The following NELL2 variants were observed in gnomAD, a reference collection of about 807,000 sequenced individuals.
NELL2 encodes the protein neural EGFL like 2, also known as protein kinase C-binding protein NELL2.
A neutral mutation model predicts 109.6 loss-of-function variants in NELL2; 41 were observed. That is an observed-to-expected ratio of 0.37 (90% CI 0.29 to 0.49). The LOEUF (loss-of-function observed/expected upper bound fraction) is 0.49, where lower values mean the gene tolerates loss of function less well. NELL2 is among the 20% of genes least tolerant of loss of function. NELL2 has a pLI of 0.98. For synonymous variants in NELL2, 355 were observed against 344.7 expected (o/e 1.03, Z -0.33); for missense variants, 900 against 1,008.3 (o/e 0.89, Z 1.45).
intron 1 of NELL2, among the ~76,000 whole-genome samples, chr12:44,900,661 G>C (rs1339863589): frequency 2.0e-5 from 3 of 152,084 alleles, no homozygotes; most frequent in Admixed American, 6.6e-5. Flanking sequence ...GAGAAAGTGG[G>C]AATGATCTAA....
At chr12:44,672,894 T>C (rs572059470) in intron 12 of NELL2, among the ~76,000 whole-genome samples, 27 of 152,182 alleles carry the variant, frequency 1.8e-4, no homozygotes, top group Non-Finnish European at 3.4e-4. Flanking sequence ...GTTTCCCTTT[T>C]AAGCTATCAT....
intron 13 of NELL2, among the ~76,000 whole-genome samples, chr12:44,662,863 G>C (rs1045129204): frequency 6.6e-6 from 1 of 152,070 alleles, no homozygotes; most frequent in African/African-American, 2.4e-5. Flanking sequence ...AAGAAGGGCA[G>C]GGATACAGAA....
chr12:44,686,973 C>T (rs562321686), intron 12 of NELL2, among the ~76,000 whole-genome samples: 3 of 152,310 alleles, frequency 2.0e-5, no homozygotes, highest in East Asian at 3.9e-4. Context: ...GCTTTGTTTA[C>T]CTAAGCAAGC....
rs1397504790 is a variant in NELL2 at position 44,703,873 on chromosome 12, A to G, written c.1190-19T>C. 1 of 1,601,196 alleles carries G rather than the reference A, an allele frequency of 6.2e-7. No homozygotes were observed. The highest frequency in any genetic ancestry group is 2.2e-5 in the East Asian group (1 of 44,628). On this transcript the variant is annotated intron_variant, in intron 11 of 19. Transcript: ENST00000429094. ...TCATAACCTACAGAAAAAAAAAGAA[A>G]TTTATTAAGGTAAATGAAACTATGA...
chr12:44,508,923 G>A lies in NELL2; in HGVS notation c.*11C>T. On this transcript the variant is annotated 3_prime_UTR_variant, in exon 20 of 20. Transcript: ENST00000429094. ...TTCTTTTAACAGAAATCTCCCATGA[G>A]ACAGTTAACTTCACAGTTCCTGAAG... 1 of 1,607,064 alleles carries A rather than the reference G, an allele frequency of 6.2e-7. No individual in the cohort carries two copies. Among genetic ancestry groups the A allele is most frequent in the South Asian group, 1.1e-5 (1 of 90,456 alleles).
At chr12:44,863,520 T>TTA (rs1566554578) in intron 2 of NELL2, among the ~76,000 whole-genome samples, 1 of 150,248 alleles carries the variant, frequency 6.7e-6, no homozygotes, top group African/African-American at 2.5e-5. Context: ...GTAGAAGTAA[T>TTA]AAAAAAAAAC....
chr12:44,686,646 A>G (rs923340450), intron 12 of NELL2, among the ~76,000 whole-genome samples: 5 of 151,288 alleles, frequency 3.3e-5, no homozygotes, highest in Non-Finnish European at 7.3e-5. Context: ...CAGGACCCTC[A>G]GCTGCAGGTC....
chr12:44,794,031 G>T (rs1229117423), intron 3 of NELL2, among the ~76,000 whole-genome samples: 1 of 152,146 alleles, frequency 6.6e-6, no homozygotes, highest in East Asian at 1.9e-4. Flanking sequence ...TGGAGTCTCA[G>T]TAGGACACAG....
intron 13 of NELL2, among the ~76,000 whole-genome samples, chr12:44,629,741 A>C (rs909261343): frequency 6.6e-6 from 1 of 152,242 alleles, no homozygotes. Flanking sequence ...CATTTTCCCC[A>C]GACATCATCA....
At chr12:44,583,019 G>A (rs1473827996) in intron 15 of NELL2, among the ~76,000 whole-genome samples, 1 of 152,040 alleles carries the variant, frequency 6.6e-6, no homozygotes, top group Non-Finnish European at 1.5e-5. Context: ...TACCACATGT[G>A]GACCCCTTGA....
chr12:44,542,878 GT>G (rs1291068677), intron 15 of NELL2, among the ~76,000 whole-genome samples: 1 of 152,092 alleles, frequency 6.6e-6, no homozygotes, highest in African/African-American at 2.4e-5. Flanking sequence ...GTACACTGGA[GT>G]TATGTAGCCA....
chr12:44,810,180 CA>C (rs1284315288), intron 3 of NELL2, among the ~76,000 whole-genome samples: 1 of 152,092 alleles, frequency 6.6e-6, no homozygotes, highest in East Asian at 1.9e-4. Flanking sequence ...CTCATTTCTT[CA>C]TCTACCAAAT....
chr12:44,637,151 T>C (rs2136294504), intron 13 of NELL2, among the ~76,000 whole-genome samples: 1 of 152,144 alleles, frequency 6.6e-6, no homozygotes, highest in Non-Finnish European at 1.5e-5. Flanking sequence ...CTTTTCTTCT[T>C]TATTAGTCTG....
At chr12:44,655,265 G>A (rs1281500817) in intron 13 of NELL2, among the ~76,000 whole-genome samples, 1 of 152,130 alleles carries the variant, frequency 6.6e-6, no homozygotes, top group Non-Finnish European at 1.5e-5. Flanking sequence ...CATGCCACTG[G>A]TGCTCTAAAG....
At chr12:44,539,458 A>G (rs1322152005) in intron 15 of NELL2, among the ~76,000 whole-genome samples, 1 of 152,166 alleles carries the variant, frequency 6.6e-6, no homozygotes, top group Non-Finnish European at 1.5e-5. Context: ...TTTAATCAAT[A>G]CATATGATAT....
chr12:44,810,828 G>A (rs901383597), intron 3 of NELL2, among the ~76,000 whole-genome samples: 1 of 152,106 alleles, frequency 6.6e-6, no homozygotes, highest in African/African-American at 2.4e-5. Flanking sequence ...TGAACCTTGG[G>A]ATGTATTACC....
intron 15 of NELL2, among the ~76,000 whole-genome samples, chr12:44,572,635 A>C (rs1369977265): frequency 6.6e-6 from 1 of 152,200 alleles, no homozygotes; most frequent in East Asian, 1.9e-4. Context: ...GTATACAGGT[A>C]AATGGAAAAA....
intron 12 of NELL2, among the ~76,000 whole-genome samples, chr12:44,681,532 G>A (rs1948504816): frequency 6.6e-6 from 1 of 151,798 alleles, no homozygotes; most frequent in African/African-American, 2.4e-5. Flanking sequence ...TCGTCATCTA[G>A]CATTAGGTAT....
chr12:44,838,236 G>GT (rs1944115482), intron 2 of NELL2, among the ~76,000 whole-genome samples: 1 of 152,028 alleles, frequency 6.6e-6, no homozygotes, highest in Admixed American at 6.6e-5. Flanking sequence ...GAGAAATATG[G>GT]TAACAAAATT....
Sources: gnomAD v4.1 joint callset for allele counts (sites outside exome capture counted in the v4.1 genomes callset) on GRCh38, gnomAD v4.1.1 for gene constraint, MANE v1.5 for transcripts, NCBI Gene and HGNC (gene_info 2026-07-23, HGNC 2026-07-21) for gene names.